The following CCDC150 variants were observed in gnomAD, a reference collection of about 807,000 sequenced individuals.
CCDC150 encodes the protein coiled-coil domain containing 150, also known as coiled-coil domain-containing protein 150.
Under a neutral mutation model 156.5 loss-of-function variants are expected in CCDC150, and 151 were observed. That is an observed-to-expected ratio of 0.97 (90% CI 0.85 to 1.10). The LOEUF (loss-of-function observed/expected upper bound fraction) is 1.10, where lower values mean the gene tolerates loss of function less well. Ranked by LOEUF, CCDC150 falls within the 50% of genes least tolerant of loss-of-function variation. The pLI, the probability that CCDC150 is intolerant of heterozygous loss-of-function variation, is 0.00. For synonymous variants in CCDC150, 452 were observed against 429.4 expected (o/e 1.05, Z -0.65); for missense variants, 1,312 against 1,268.1 (o/e 1.03, Z -0.53).
At chr2:196,675,462 G>T (rs1030272117) in intron 10 of CCDC150, among the ~76,000 whole-genome samples, 9 of 152,104 alleles carry the variant, frequency 5.9e-5, no homozygotes, top group African/African-American at 1.9e-4. Context: ...TGTTAAAATA[G>T]AAGTTTTTTA....
intron 2 of CCDC150, 116 bp from the exon 3 acceptor site, chr2:196,656,517 G>T (rs1317215791): frequency 1.1e-5 from 8 of 703,042 alleles, no homozygotes; most frequent in Admixed American, 2.6e-5. Context: ...TGCCATGTTG[G>T]TGATGTCACT....
At chr2:196,706,495 A>G (rs1696647269) in intron 15 of CCDC150, among the ~76,000 whole-genome samples, 2 of 152,170 alleles carry the variant, frequency 1.3e-5, no homozygotes, top group Admixed American at 1.3e-4. Flanking sequence ...CTAATTGAAT[A>G]CCCTTTATTT....
At chr2:196,666,588 G>C in intron 6 of CCDC150, 131 bp from the exon 7 acceptor site, 1 of 776,344 alleles carries the variant, frequency 1.3e-6, no homozygotes, top group Non-Finnish European at 2.1e-6. Context: ...GATTTTAACT[G>C]TAACATAGAC....
intron 1 of CCDC150, among the ~76,000 whole-genome samples, chr2:196,642,632 C>T (rs908641893): frequency 6.6e-6 from 1 of 152,220 alleles, no homozygotes; most frequent in Non-Finnish European, 1.5e-5. Context: ...CTTCCAAGGA[C>T]TCTCCTGACC....
chr2:196,691,758 T>C (rs1351646037), intron 13 of CCDC150, among the ~76,000 whole-genome samples: 1 of 151,994 alleles, frequency 6.6e-6, no homozygotes, highest in Non-Finnish European at 1.5e-5. Context: ...CTGGCCAAAA[T>C]GGTGAAACCT....
intron 15 of CCDC150, among the ~76,000 whole-genome samples, chr2:196,707,815 G>T (rs1386894521): frequency 2.0e-5 from 3 of 152,188 alleles, no homozygotes; most frequent in Non-Finnish European, 4.4e-5. Flanking sequence ...CCATGTAGTT[G>T]TGCGGTTTTG....
At chr2:196,731,983 A>T (rs749676798) in intron 26 of CCDC150, 50 bp from the exon 27 acceptor site, 2 of 1,573,794 alleles carry the variant, frequency 1.3e-6, no homozygotes, top group Non-Finnish European at 1.7e-6. Flanking sequence ...ACACAAAAAA[A>T]CTTGTAACTC....
Position 196,666,864 on chromosome 2 carries a change from C to G in CCDC150, c.892+16C>G, listed in dbSNP as rs758935864. 4.7e-5 allele frequency: 75 copies of G among 1,612,664 alleles called. No individual in the cohort carries two copies. The highest frequency in any genetic ancestry group is 1.7e-4 in the Middle Eastern group (1 of 6,048). On this transcript the variant is annotated intron_variant, in intron 7 of 27. Coordinates refer to ENST00000389175, the MANE Select transcript of CCDC150 (RefSeq NM_001080539.2). ...TCTGATCTAAGTATGAAAATAGATG[C>G]TAGAAATCACCCTCTTGTTAGTTTT... is the stretch of plus-strand genomic sequence containing the variant.
intron 13 of CCDC150, 37 bp from the exon 14 acceptor site, chr2:196,695,009 C>A (rs367791265): frequency 1.1e-5 from 12 of 1,053,452 alleles, no homozygotes; most frequent in South Asian, 1.1e-4. Context: ...TTGCATCTGG[C>A]GTAAATAGTT....
intron 13 of CCDC150, among the ~76,000 whole-genome samples, chr2:196,694,557 A>G (rs1695697188): frequency 6.6e-6 from 1 of 152,126 alleles, no homozygotes; most frequent in Non-Finnish European, 1.5e-5. Flanking sequence ...CACAGAGAAA[A>G]GGGTTCTTAA....
chr2:196,713,100 A>C, intron 17 of CCDC150: 1 of 497,938 alleles, frequency 2.0e-6, no homozygotes. Flanking sequence ...CTGATGAGTG[A>C]TGAGGTCACA....
At chr2:196,721,792 T>C in intron 21 of CCDC150, 101 bp downstream of exon 21, 1 of 984,800 alleles carries the variant, frequency 1.0e-6, no homozygotes, top group South Asian at 2.0e-5. Context: ...TAAACTCTTT[T>C]CTCCTACTTT....
At chr2:196,676,001 T>C in intron 10 of CCDC150, 142 bp from the exon 11 acceptor site, 2 of 694,420 alleles carry the variant, frequency 2.9e-6, no homozygotes, top group Non-Finnish European at 4.7e-6. Context: ...TTGAAATAAA[T>C]TGTTTTAAAA....
chr2:196,654,398 T>C (rs1324849036), intron 2 of CCDC150, among the ~76,000 whole-genome samples: 1 of 152,100 alleles, frequency 6.6e-6, no homozygotes, highest in African/African-American at 2.4e-5. Context: ...CTGTTGATGG[T>C]ATCTCATAAG....
intron 10 of CCDC150, among the ~76,000 whole-genome samples, chr2:196,675,420 C>A (rs1694433224): frequency 6.6e-6 from 1 of 151,896 alleles, no homozygotes; most frequent in South Asian, 2.1e-4. Context: ...TCCCATTTTA[C>A]CAGTGTGAAG....
In CCDC150 at chr2:196,657,082, A is replaced by AC; in HGVS notation, c.523dup (p.Gln175ProfsTer3). ...CTGTAAAAGAGGAAGAAGACAAGGCACAAGATGAGGTGCAAAGGTTGACTG... is the reference window on the plus strand; with the variant it reads ...CTGTAAAAGAGGAAGAAGACAAGGCACCAAGATGAGGTGCAAAGGTTGACTG... On this transcript the variant is annotated frameshift_variant, in exon 4 of 28. Coordinates refer to ENST00000389175, the MANE Select transcript of CCDC150 (RefSeq NM_001080539.2). LOFTEE classifies it high-confidence loss of function. The AC allele has an allele frequency of 1.2e-6, 2 of 1,613,884 alleles. No homozygotes were observed. Among genetic ancestry groups the AC allele is most frequent in the South Asian group, 2.2e-5 (2 of 91,076 alleles).
intron 13 of CCDC150, among the ~76,000 whole-genome samples, chr2:196,687,477 G>C (rs572004504): frequency 6.6e-6 from 1 of 152,088 alleles, no homozygotes; most frequent in African/African-American, 2.4e-5. Flanking sequence ...TCTTTTTCTT[G>C]CAAATTTAAG....
In CCDC150 at chr2:196,718,584, A is replaced by G; in HGVS notation, c.1948A>G (p.Lys650Glu). The G allele has an allele frequency of 1.2e-6, 2 of 1,613,840 alleles. No homozygotes were observed. The highest frequency in any genetic ancestry group is 2.2e-5 in the South Asian group (2 of 91,060). ...TAATGCGGCCCTGAAAGAGAGTCAGAAGTTGAAAGAAGACCTCGAGGCTGT... is the reference window on the plus strand; with the variant it reads ...TAATGCGGCCCTGAAAGAGAGTCAGGAGTTGAAAGAAGACCTCGAGGCTGT... The part of the protein sequence containing the change: ...CRNAALKESQ[K>E]LKEDLEAVED... Residue 650 changes from lysine (K) to glutamate (E), a missense_variant, in exon 18 of 28, where the codon AAG becomes GAG. Transcript: ENST00000389175.
intron 1 of CCDC150, among the ~76,000 whole-genome samples, chr2:196,640,426 C>A (rs1218035265): frequency 6.6e-6 from 1 of 152,180 alleles, no homozygotes; most frequent in Admixed American, 6.5e-5. Context: ...GTCCTTTAAT[C>A]CTTTGTGTTC....
Sources: gnomAD v4.1 joint callset for allele counts (sites outside exome capture counted in the v4.1 genomes callset) on GRCh38, gnomAD v4.1.1 for gene constraint, MANE v1.5 for transcripts, NCBI Gene and HGNC (gene_info 2026-07-23, HGNC 2026-07-21) for gene names.